Variants in COMT observed in about 807,000 individuals in gnomAD.
The protein encoded by COMT is catechol O-methyltransferase.
COMT carries 13 observed loss-of-function variants against 18.9 expected under a neutral mutation model. The observed-to-expected ratio is 0.69, with a 90% CI of 0.45 to 1.09. The LOEUF (loss-of-function observed/expected upper bound fraction) is 1.09. Among genes scored for constraint, COMT ranks in the 50% least tolerant of loss-of-function variants. The probability of loss-of-function intolerance (pLI) is 0.00; values close to 1 mark genes in which losing one functional copy is unlikely to be tolerated. For missense variants in COMT, 329 were observed against 361.8 expected, an observed-to-expected ratio of 0.91 and a Z score of 0.73; for synonymous variants, 150 against 160.9, an observed-to-expected ratio of 0.93 and a Z score of 0.51.
intron 1 of COMT, among the ~76,000 whole-genome samples, chr22:19,947,553 G>A (rs9332333): frequency 0.042 from 6,443 of 152,256 alleles, 373 homozygotes; most frequent in African/African-American, 0.13. Context: ...CAGCCGAGGC[G>A]GACAGCGAGA....
chr22:19,942,565 A>T (rs1010284407), intron 1 of COMT, among the ~76,000 whole-genome samples: 1 of 152,166 alleles, frequency 6.6e-6, no homozygotes, highest in East Asian at 1.9e-4. Context: ...TGCCCTGCTA[A>T]CAGACCTGCT....
chr22:19,963,904 C>T, intron 4 of COMT, 145 bp downstream of exon 4: 1 of 1,243,874 alleles, frequency 8.0e-7, no homozygotes, highest in Non-Finnish European at 1.1e-6. Context: ...GCTTCCCAGC[C>T]TGGGGCTGAG....
intron 1 of COMT, among the ~76,000 whole-genome samples, chr22:19,942,216 C>T (rs1469616359): frequency 6.6e-6 from 1 of 152,108 alleles, no homozygotes; most frequent in Non-Finnish European, 1.5e-5. Flanking sequence ...GGGTCCAGAC[C>T]AGGAGGATAA....
intron 2 of COMT, chr22:19,962,285 C>A: frequency 1.6e-6 from 1 of 613,400 alleles, no homozygotes; most frequent in East Asian, 2.9e-5. Context: ...TGTGACCCTG[C>A]AGGCTCCACA....
chr22:19,964,118 G>T, intron 4 of COMT, 50 bp from the exon 5 acceptor site: 2 of 1,613,478 alleles, frequency 1.2e-6, no homozygotes, highest in South Asian at 2.2e-5. Flanking sequence ...AGGTGTGTAG[G>T]GATGGCCTCC....
chr22:19,947,088 G>T (rs1941850609), intron 1 of COMT, among the ~76,000 whole-genome samples: 1 of 151,764 alleles, frequency 6.6e-6, no homozygotes, highest in Non-Finnish European at 1.5e-5. Flanking sequence ...GCTAATTTTT[G>T]TATTTTTAGT....
At chr22:19,951,065 CAGA>C (rs1333264684) in intron 1 of COMT, 2 of 152,180 alleles carry the variant, frequency 1.3e-5, no homozygotes. Flanking sequence ...AGGTAGCGTT[CAGA>C]AGAAGCCTGG....
chr22:19,967,062 C>T (rs1161327992), intron 5 of COMT: 2 of 1,219,136 alleles, frequency 1.6e-6, no homozygotes, highest in African/African-American at 1.6e-5. Flanking sequence ...CTTCTTTCCC[C>T]TCTTGACCAG....
At chr22:19,960,580 G>A (rs1019393199) in intron 1 of COMT, among the ~76,000 whole-genome samples, 4 of 152,306 alleles carry the variant, frequency 2.6e-5, no homozygotes, top group African/African-American at 9.6e-5. Flanking sequence ...AGTGGGCCAC[G>A]GGTTTCCCTG....
At chr22:19,962,130 C>A in intron 2 of COMT, 1 of 310,562 alleles carries the variant, frequency 3.2e-6, no homozygotes, top group Non-Finnish European at 6.3e-6. Flanking sequence ...TGACTACCCC[C>A]AACTCCGGGC....
At chr22:19,953,028 G>A (rs910022221) in intron 1 of COMT, among the ~76,000 whole-genome samples, 3 of 152,154 alleles carry the variant, frequency 2.0e-5, no homozygotes, top group Admixed American at 6.6e-5. Context: ...CAGCAGCTTT[G>A]TTAGTGTTTG....
chr22:19,964,509 T>C, intron 5 of COMT: 1 of 757,226 alleles, frequency 1.3e-6, no homozygotes, highest in South Asian at 1.6e-5. Flanking sequence ...GGGGCCTGGC[T>C]GGGTGGCCTG....
At chr22:19,950,523 A>C (rs548734423) in intron 1 of COMT, among the ~76,000 whole-genome samples, 1 of 152,044 alleles carries the variant, frequency 6.6e-6, no homozygotes, top group East Asian at 1.9e-4. Context: ...GGATGACTAC[A>C]TGTTTCCAGT....
chr22:19,963,243 T>G, intron 3 of COMT: 1 of 514,300 alleles, frequency 1.9e-6, no homozygotes, highest in Non-Finnish European at 3.5e-6. Flanking sequence ...GGTTCGGTGA[T>G]TCAGAGAGGG....
At chr22:19,944,580 T>G (rs1941805238) in intron 1 of COMT, among the ~76,000 whole-genome samples, 2 of 150,636 alleles carry the variant, frequency 1.3e-5, no homozygotes, top group African/African-American at 4.9e-5. Flanking sequence ...ATCCCAGCAC[T>G]TTGGGAGGCC....
intron 1 of COMT, among the ~76,000 whole-genome samples, chr22:19,957,465 A>G (rs868834609): frequency 6.6e-6 from 1 of 152,190 alleles, no homozygotes; most frequent in Non-Finnish European, 1.5e-5. Context: ...GGTGTGTCCA[A>G]TGTGAGAGAG....
At chr22:19,955,527 T>G (rs1047753251) in intron 1 of COMT, among the ~76,000 whole-genome samples, 2 of 152,264 alleles carry the variant, frequency 1.3e-5, no homozygotes, top group African/African-American at 4.8e-5. Context: ...TTTCCAGCCC[T>G]GTTGAGCAAG....
At chr22:19,958,321 C>A (rs1183879003) in intron 1 of COMT, among the ~76,000 whole-genome samples, 1 of 151,388 alleles carries the variant, frequency 6.6e-6, no homozygotes, top group Non-Finnish European at 1.5e-5. Context: ...CGGACCACCA[C>A]GCCTGGCTAA....
chr22:19,957,872 C>T (rs1942099139), intron 1 of COMT, among the ~76,000 whole-genome samples: 1 of 152,212 alleles, frequency 6.6e-6, no homozygotes, highest in Non-Finnish European at 1.5e-5. Flanking sequence ...TTCATCTGTA[C>T]TTTATTCATT....
Sources: allele counts gnomAD v4.1 joint callset (sites outside exome capture counted in the v4.1 genomes callset), GRCh38; gene constraint gnomAD v4.1.1; transcripts MANE v1.5; gene names NCBI Gene and HGNC (gene_info 2026-07-23, HGNC 2026-07-21).